Variants in GNAT3 observed in about 807,000 individuals in gnomAD.
GNAT3 encodes the protein guanine nucleotide-binding protein G(t) subunit alpha-3.
In GNAT3, 31 loss-of-function variants were observed where a neutral mutation model predicts 37.7. The observed-to-expected ratio is 0.82, with a 90% CI of 0.62 to 1.11. GNAT3 has a LOEUF of 1.11. Ranked by LOEUF, GNAT3 falls within the 50% of genes most tolerant of loss-of-function variation. The pLI, the probability that GNAT3 is intolerant of heterozygous loss-of-function variation, is 0.00. For synonymous variants in GNAT3, 138 were observed against 139.8 expected (o/e 0.99, Z 0.09); for missense variants, 437 against 412.5 (o/e 1.06, Z -0.51).
At chr7:80,473,310 T>G (rs1160094260) in intron 5 of GNAT3, among the ~76,000 whole-genome samples, 2 of 152,176 alleles carry the variant, frequency 1.3e-5, no homozygotes, top group African/African-American at 4.8e-5. Flanking sequence ...ACTATCTACA[T>G]AATAGGTATT....
At chr7:80,479,168 C>T (rs781655125) in intron 3 of GNAT3, among the ~76,000 whole-genome samples, 170 bp from the exon 4 acceptor site, 3 of 152,024 alleles carry the variant, frequency 2.0e-5, no homozygotes, top group Non-Finnish European at 4.4e-5. Context: ...TTTTTCATGG[C>T]TGGATGATGC....
chr7:80,510,142 C>G (rs1042047317), intron 1 of GNAT3, among the ~76,000 whole-genome samples: 2 of 152,106 alleles, frequency 1.3e-5, no homozygotes, highest in African/African-American at 4.8e-5. Context: ...TTCCCCCCAA[C>G]CACCCTAGCC....
At chr7:80,506,823 T>C (rs1351285628) in intron 1 of GNAT3, among the ~76,000 whole-genome samples, 2 of 152,182 alleles carry the variant, frequency 1.3e-5, no homozygotes, top group African/African-American at 4.8e-5. Context: ...ATTGTGAAAT[T>C]GTTAAATCTA....
rs902880205 is a variant in GNAT3, at chr7:80,497,659, T to C, written c.119-3012A>G. On this transcript the variant is annotated intron_variant, in intron 1 of 7. Coordinates refer to ENST00000398291, the MANE Select transcript of GNAT3 (RefSeq NM_001102386.3). Reference sequence around the variant, plus strand: ...ACGTATATACATATACGTATATACATATACGTATATACATACATATATACA... The same window carrying C: ...ACGTATATACATATACGTATATACACATACGTATATACATACATATATACA... 1.6e-4 allele frequency among the ~76,000 whole-genome samples: 18 copies of C among 112,756 alleles called. 1 individual carries two copies. The highest frequency in any genetic ancestry group is 8.3e-4 in the African/African-American group (16 of 19,192). The allele number at this position is 112,756 out of a possible 152,430, so 74.0% of individuals were successfully genotyped here.
intron 5 of GNAT3, among the ~76,000 whole-genome samples, chr7:80,470,075 A>G (rs1480694063): frequency 6.6e-6 from 1 of 152,184 alleles, no homozygotes; most frequent in African/African-American, 2.4e-5. Flanking sequence ...GAGGTACTGT[A>G]TCTTCCATCC....
intron 7 of GNAT3, among the ~76,000 whole-genome samples, chr7:80,459,846 TC>T (rs2116132164): frequency 6.6e-6 from 1 of 152,312 alleles, no homozygotes; most frequent in South Asian, 2.1e-4. Context: ...AATACCAAAT[TC>T]TGGTAAGTGC....
intron 4 of GNAT3, among the ~76,000 whole-genome samples, chr7:80,478,640 C>T (rs552954500): frequency 1.4e-4 from 21 of 152,124 alleles, no homozygotes; most frequent in Non-Finnish European, 2.5e-4. Flanking sequence ...ATTTAAAATG[C>T]TCCCCTGGTT....
At chr7:80,486,451 T>G (rs577973143) in intron 3 of GNAT3, 11 of 144,838 alleles carry the variant, frequency 7.6e-5, no homozygotes, top group African/African-American at 1.3e-4. Flanking sequence ...CTCATCTCAC[T>G]TTTTTTTTTT....
chr7:80,471,123 G>A (rs1790208918), intron 5 of GNAT3, among the ~76,000 whole-genome samples: 2 of 150,694 alleles, frequency 1.3e-5, no homozygotes, highest in African/African-American at 4.9e-5. Flanking sequence ...CTGATGTGGT[G>A]GCAGTACCAG....
chr7:80,463,982 C>T (rs989949953), intron 5 of GNAT3, among the ~76,000 whole-genome samples: 4 of 151,396 alleles, frequency 2.6e-5, no homozygotes, highest in Admixed American at 2.0e-4. Context: ...TAATAATTAT[C>T]AATTTATCCA....
chr7:80,503,011 A>T (rs1257162383), intron 1 of GNAT3, among the ~76,000 whole-genome samples: 2 of 152,112 alleles, frequency 1.3e-5, no homozygotes, highest in Non-Finnish European at 2.9e-5. Context: ...TATCCTCCTC[A>T]TTAAATCTTT....
chr7:80,480,870 C>T (rs1028825167), intron 3 of GNAT3, among the ~76,000 whole-genome samples: 7 of 152,034 alleles, frequency 4.6e-5, no homozygotes, highest in African/African-American at 1.7e-4. Flanking sequence ...CTTATCTCAC[C>T]CTGTAACTTA....
At chr7:80,474,614 G>A (rs530740251) in intron 4 of GNAT3, among the ~76,000 whole-genome samples, 3 of 152,230 alleles carry the variant, frequency 2.0e-5, no homozygotes, top group East Asian at 3.9e-4. Context: ...TAAAAGTTTG[G>A]TAGCTGGAAT....
At chr7:80,507,437 GGAAGAATA>G (rs1162385612) in intron 1 of GNAT3, among the ~76,000 whole-genome samples, 1 of 151,722 alleles carries the variant, frequency 6.6e-6, no homozygotes, top group African/African-American at 2.4e-5. Flanking sequence ...GAAAGACAAA[GGAAGAATA>G]ATGATACACA....
chr7:80,492,176 CAAAAA>C lies in GNAT3; in HGVS notation c.161+2424_161+2428del, dbSNP rs71079120. On this transcript the variant is annotated intron_variant, in intron 2 of 7. Coordinates refer to ENST00000398291, the MANE Select transcript of GNAT3 (RefSeq NM_001102386.3). ...GAAACCCCAACTCTACTAAAAATAC[CAAAAA>C]AAAAAAAAAAAAATTAGCTGGGCAT... 7.0e-4 allele frequency among the ~76,000 whole-genome samples: 95 copies of C among 136,338 alleles called. 1 individual carries two copies. The highest frequency in any genetic ancestry group is 2.4e-3 in the African/African-American group (91 of 38,668). 89.4% of individuals were successfully genotyped at this position (136,338 alleles called of 152,430 possible). A position where few individuals can be genotyped will look rare whatever the true frequency, so the allele number is the denominator to read the frequency against.
At chr7:80,509,400 G>A (rs1409624735) in intron 1 of GNAT3, among the ~76,000 whole-genome samples, 1 of 151,966 alleles carries the variant, frequency 6.6e-6, no homozygotes, top group Non-Finnish European at 1.5e-5. Context: ...TGTGACAAAG[G>A]AGTTTAGTGC....
chr7:80,470,374 A>G (rs1036134083), intron 5 of GNAT3, among the ~76,000 whole-genome samples: 3 of 152,154 alleles, frequency 2.0e-5, no homozygotes, highest in Non-Finnish European at 2.9e-5. Context: ...GGGGTGTGCC[A>G]CCATGCCCCG....
chr7:80,479,121 A>C, intron 3 of GNAT3, 123 bp from the exon 4 acceptor site: 1 of 729,552 alleles, frequency 1.4e-6, no homozygotes, highest in Non-Finnish European at 2.1e-6. Flanking sequence ...TCCACCAAAC[A>C]TCTTTTTGAA....
At chr7:80,464,124 CT>C (rs1339926505) in intron 5 of GNAT3, among the ~76,000 whole-genome samples, 1 of 151,298 alleles carries the variant, frequency 6.6e-6, no homozygotes, top group Non-Finnish European at 1.5e-5. Context: ...TCAAAATAGA[CT>C]TTAGATATCC....
Sources: gnomAD v4.1 joint callset for allele counts (sites outside exome capture counted in the v4.1 genomes callset) on GRCh38, gnomAD v4.1.1 for gene constraint, MANE v1.5 for transcripts, NCBI Gene and HGNC (gene_info 2026-07-23, HGNC 2026-07-21) for gene names.